Variants in ULK4 observed in about 807,000 individuals in gnomAD.
ULK4 encodes the protein inactive serine/threonine-protein kinase ULK4.
In ULK4, 133 loss-of-function variants were observed where a neutral mutation model predicts 160.6. The observed-to-expected ratio is 0.83, with a 90% CI of 0.72 to 0.96. The LOEUF (loss-of-function observed/expected upper bound fraction) is 0.96, where lower values mean the gene tolerates loss of function less well. Among genes scored for constraint, ULK4 ranks in the 40% least tolerant of loss-of-function variants. ULK4 has a pLI of 0.00. For missense variants in ULK4, 1,580 were observed against 1,499.5 expected, an observed-to-expected ratio of 1.05 and a Z score of -0.89; for synonymous variants, 534 against 539.8, an observed-to-expected ratio of 0.99 and a Z score of 0.15.
chr3:41,912,328 C>CAAA lies in ULK4; in HGVS notation c.896+476_896+478dup, dbSNP rs1223106095. Among the ~76,000 whole-genome samples the CAAA allele has an allele frequency of 3.2e-3, 283 of 88,190 alleles. 2 individuals are homozygous for CAAA. Among genetic ancestry groups the CAAA allele is most frequent in the African/African-American group, 7.4e-3 (209 of 28,166 alleles). 57.9% of individuals were successfully genotyped at this position (88,190 alleles called of 152,430 possible). ...TAGGTGACAGAGTGAGACGTTGTCT[C>CAAA]AAAAAAAAAAAAAAAAAAAAATCCA... On this transcript the variant is annotated intron_variant, in intron 9 of 36. Coordinates refer to ENST00000301831, the MANE Select transcript of ULK4 (RefSeq NM_017886.4).
At chr3:41,482,354 G>A (rs899189631) in intron 32 of ULK4, among the ~76,000 whole-genome samples, 2 of 152,188 alleles carry the variant, frequency 1.3e-5, no homozygotes, top group African/African-American at 4.8e-5. Flanking sequence ...GCTGGGAGCA[G>A]CAGTGATGGT....
intron 29 of ULK4, among the ~76,000 whole-genome samples, chr3:41,665,858 G>A (rs185101969): frequency 6.6e-6 from 1 of 152,298 alleles, no homozygotes; most frequent in East Asian, 1.9e-4. Context: ...TGAGTAAAGA[G>A]TATGTAAGAA....
At chr3:41,657,834 A>AAAAAAAAAAAAC (rs1553628520) in intron 30 of ULK4, among the ~76,000 whole-genome samples, 4 of 150,072 alleles carry the variant, frequency 2.7e-5, no homozygotes, top group African/African-American at 7.4e-5. Context: ...AAAAAAAAAA[A>AAAAAAAAAAAAC]ACACACACCA....
intron 35 of ULK4, among the ~76,000 whole-genome samples, chr3:41,309,897 G>C (rs2080017259): frequency 7.6e-6 from 1 of 132,174 alleles, no homozygotes; most frequent in African/African-American, 3.6e-5. Context: ...TGCCTTTTAG[G>C]GAAAAAAAAA....
intron 32 of ULK4, among the ~76,000 whole-genome samples, chr3:41,560,083 A>T (rs186566349): frequency 6.6e-6 from 1 of 152,334 alleles, no homozygotes; most frequent in East Asian, 1.9e-4. Context: ...CTTTCTACAT[A>T]TGGCTAGCCA....
chr3:41,558,266 T>C (rs2087382649), intron 32 of ULK4, among the ~76,000 whole-genome samples: 1 of 152,074 alleles, frequency 6.6e-6, no homozygotes, highest in Admixed American at 6.5e-5. Flanking sequence ...TAAAACAGAA[T>C]AGGATGTTGC....
At chr3:41,563,662 C>T (rs976164052) in intron 32 of ULK4, among the ~76,000 whole-genome samples, 1 of 152,150 alleles carries the variant, frequency 6.6e-6, no homozygotes, top group Admixed American at 6.5e-5. Context: ...GCTACTGAAG[C>T]TTGTGCATGC....
At chr3:41,502,667 T>C (rs1034076126) in intron 32 of ULK4, among the ~76,000 whole-genome samples, 6 of 152,234 alleles carry the variant, frequency 3.9e-5, no homozygotes, top group African/African-American at 1.2e-4. Flanking sequence ...CAAAAGCATT[T>C]TGCATTGTGA....
chr3:41,907,873 G>A lies in ULK4; in HGVS notation c.1154C>T (p.Ser385Leu). The A allele has an allele frequency of 2.5e-6, 4 of 1,600,824 alleles. No individual in the cohort carries two copies. The highest frequency in any genetic ancestry group is 3.4e-6 in the Non-Finnish European group (4 of 1,174,420). Residue 385 changes from serine (S) to leucine (L), a missense_variant, in exon 12 of 37, where the codon TCA (serine) becomes TTA (leucine). Coordinates refer to ENST00000301831, the MANE Select transcript of ULK4 (RefSeq NM_017886.4). ...GGTCAGAGGAGAAGTCTTCTGTGGT[G>A]AACAGTGAGTCATATCCTCACCAGG... ...VSPGEDMTHCSPQKTSPLTKI... is the reference protein window; with the variant it reads ...VSPGEDMTHCLPQKTSPLTKI...
chr3:41,824,461 G>C (rs543871884), intron 18 of ULK4, among the ~76,000 whole-genome samples: 2 of 152,060 alleles, frequency 1.3e-5, no homozygotes, highest in Admixed American at 6.6e-5. Context: ...CGGGTCACTC[G>C]CACCCTAATA....
At chr3:41,834,630 T>C (rs1207424631) in intron 18 of ULK4, among the ~76,000 whole-genome samples, 1 of 152,226 alleles carries the variant, frequency 6.6e-6, no homozygotes, top group Non-Finnish European at 1.5e-5. Context: ...ATACTCATGT[T>C]TTATAACAAT....
chr3:41,894,087 T>G (rs902818137), intron 16 of ULK4, among the ~76,000 whole-genome samples: 1 of 152,218 alleles, frequency 6.6e-6, no homozygotes, highest in Non-Finnish European at 1.5e-5. Context: ...GTGTGAATTT[T>G]GGTATCCAAG....
intron 21 of ULK4, among the ~76,000 whole-genome samples, chr3:41,789,256 G>T (rs2040081788): frequency 6.6e-6 from 1 of 152,142 alleles, no homozygotes; most frequent in South Asian, 2.1e-4. Flanking sequence ...TCAACTGGCA[G>T]AGTATTACAA....
chr3:41,840,286 A>G (rs1041522585), intron 17 of ULK4, among the ~76,000 whole-genome samples: 2 of 152,168 alleles, frequency 1.3e-5, no homozygotes, highest in Non-Finnish European at 2.9e-5. Flanking sequence ...TTAAAAAAAG[A>G]GTTAGCCAGG....
At chr3:41,466,073 T>C (rs72871127) in intron 32 of ULK4, among the ~76,000 whole-genome samples, 14,263 of 152,174 alleles carry the variant, frequency 0.094, 1,231 homozygotes, top group East Asian at 0.52. Flanking sequence ...TCAATCACTA[T>C]TCATTTGTAT....
chr3:41,314,960 G>T (rs1316447378), intron 35 of ULK4, among the ~76,000 whole-genome samples: 2 of 152,124 alleles, frequency 1.3e-5, no homozygotes, highest in Admixed American at 1.3e-4. Flanking sequence ...TATGCAGGGT[G>T]TATTTATCAG....
intron 31 of ULK4, among the ~76,000 whole-genome samples, chr3:41,613,165 T>C (rs1289820129): frequency 6.6e-6 from 1 of 152,130 alleles, no homozygotes; most frequent in Non-Finnish European, 1.5e-5. Flanking sequence ...GCCCTCAAAC[T>C]TAGAAACCAA....
At chr3:41,944,364 C>G (rs915505755) in intron 2 of ULK4, among the ~76,000 whole-genome samples, 2 of 152,120 alleles carry the variant, frequency 1.3e-5, no homozygotes, top group African/African-American at 4.8e-5. Flanking sequence ...TGCCTGAATC[C>G]AAGAGGTGGA....
At position 41,517,665 on chromosome 3, in the gene ULK4, G is replaced by A. The variant is rs145440081; in HGVS notation, c.3226+48360C>T. Among the ~76,000 whole-genome samples the A allele has an allele frequency of 1.6e-3, 240 of 152,292 alleles. 1 individual carries two copies. Among genetic ancestry groups the A allele is most frequent in the Admixed American group, 3.7e-3 (57 of 15,302 alleles). ...TAAAGAAAGAATATCTAATGGTGCC[G>A]TGACTAAAGCACTCGCTGTTCTGAA... On this transcript the variant is annotated intron_variant, in intron 32 of 36. Transcript: ENST00000301831.
Sources: gnomAD v4.1 joint callset for allele counts (sites outside exome capture counted in the v4.1 genomes callset) on GRCh38, gnomAD v4.1.1 for gene constraint, MANE v1.5 for transcripts, NCBI Gene and HGNC (gene_info 2026-07-23, HGNC 2026-07-21) for gene names.